The following KHDRBS3 variants were observed in gnomAD, a reference collection of about 807,000 sequenced individuals.
KHDRBS3 encodes the protein KH domain-containing, RNA-binding, signal transduction-associated protein 3.
Under a neutral mutation model 45.6 loss-of-function variants are expected in KHDRBS3, and 23 were observed. The observed-to-expected ratio is 0.50, with a 90% CI of 0.36 to 0.72. The LOEUF (loss-of-function observed/expected upper bound fraction) is 0.72, where lower values mean the gene tolerates loss of function less well. Ranked by LOEUF, KHDRBS3 falls within the 30% of genes least tolerant of loss-of-function variation. KHDRBS3 has a pLI of 0.00. For missense variants in KHDRBS3, 352 were observed against 424.8 expected (o/e 0.83, Z 1.51); for synonymous variants, 162 against 156.5 (o/e 1.04, Z -0.26).
intron 1 of KHDRBS3, among the ~76,000 whole-genome samples, chr8:135,478,639 C>T (rs1290703136): frequency 1.1e-4 from 16 of 152,108 alleles, no homozygotes; most frequent in Admixed American, 1.0e-3. Context: ...ATTTTCCAAC[C>T]ACAGTAGAAT....
intron 7 of KHDRBS3, among the ~76,000 whole-genome samples, chr8:135,642,112 G>A (rs1445355991): frequency 6.6e-6 from 1 of 152,218 alleles, no homozygotes; most frequent in East Asian, 1.9e-4. Context: ...TTCTGAGCAT[G>A]AGGAAGGATC....
chr8:135,474,196 A>C (rs1439835708), intron 1 of KHDRBS3, among the ~76,000 whole-genome samples: 1 of 152,182 alleles, frequency 6.6e-6, no homozygotes, highest in Non-Finnish European at 1.5e-5. Context: ...AATCTTTATA[A>C]ACTTTCCTAA....
chr8:135,572,866 C>A (rs924444665), intron 5 of KHDRBS3, among the ~76,000 whole-genome samples: 1 of 152,204 alleles, frequency 6.6e-6, no homozygotes, highest in African/African-American at 2.4e-5. Flanking sequence ...CTTTTGTCAG[C>A]CTTCTCATTT....
In KHDRBS3 at chr8:135,647,076, A is replaced by G; in HGVS notation, c.1033A>G (p.Arg345Gly). The stretch of plus-strand genomic sequence containing the variant: ...CGTCTACAGAGACCAGCCATATGGC[A>G]GATACTGATTGTACTGTCTGATGTT... ...KGVYRDQPYGRY is the reference protein window; with the variant it reads ...KGVYRDQPYGGY Residue 345 changes from arginine (R) to glycine (G), a missense_variant, in exon 9 of 9, where the codon AGA becomes GGA. This residue lies in a region of KHDRBS3 where 212 missense variants were observed against 209.6 expected (regional missense o/e 1.01). Transcript: ENST00000355849. 6.3e-7 allele frequency: 1 copy of G among 1,585,494 alleles called. No homozygotes were observed. The highest frequency in any genetic ancestry group is 8.7e-7 in the Non-Finnish European group (1 of 1,154,112).
intron 1 of KHDRBS3, among the ~76,000 whole-genome samples, chr8:135,496,363 G>T (rs963862588): frequency 1.3e-5 from 2 of 151,766 alleles, no homozygotes; most frequent in African/African-American, 4.8e-5. Context: ...CTCCCAAGTA[G>T]CTGGGTTTAC....
chr8:135,574,228 ATCATGTTAGCACGTCACCTC>A (rs1827848232), intron 5 of KHDRBS3, among the ~76,000 whole-genome samples: 2 of 121,560 alleles, frequency 1.6e-5, no homozygotes, highest in African/African-American at 5.6e-5. Flanking sequence ...CGTCACCTCC[ATCATGTTAGCACGTCACCTC>A]CATCATGCCT....
At chr8:135,532,489 G>GC (rs1180248258) in intron 2 of KHDRBS3, among the ~76,000 whole-genome samples, 1 of 152,170 alleles carries the variant, frequency 6.6e-6, no homozygotes, top group East Asian at 1.9e-4. Flanking sequence ...AGGAGTGCGT[G>GC]CTAATACATT....
chr8:135,538,652 A>T (rs570620103), intron 2 of KHDRBS3: 6 of 152,204 alleles, frequency 3.9e-5, no homozygotes, highest in Non-Finnish European at 8.8e-5. Flanking sequence ...GGTAAATGTG[A>T]AACTGAAAAC....
chr8:135,652,733 C>T (rs1182365253), intron 4 of KHDRBS3, among the ~76,000 whole-genome samples: 1 of 152,230 alleles, frequency 6.6e-6, no homozygotes, highest in Non-Finnish European at 1.5e-5. Flanking sequence ...ATCTTCGCAG[C>T]TCTACTATGG....
intron 7 of KHDRBS3, among the ~76,000 whole-genome samples, chr8:135,614,297 G>T (rs2131058546): frequency 6.6e-6 from 1 of 151,916 alleles, no homozygotes; most frequent in Non-Finnish European, 1.5e-5. Flanking sequence ...GGGTGATAAT[G>T]ACCTCAGCCC....
intron 5 of KHDRBS3, among the ~76,000 whole-genome samples, chr8:135,559,080 A>C (rs1827039631): frequency 6.6e-6 from 1 of 152,174 alleles, no homozygotes; most frequent in Non-Finnish European, 1.5e-5. Context: ...AGGGTAATCC[A>C]GAGTAATCTT....
intron 3 of KHDRBS3, among the ~76,000 whole-genome samples, chr8:135,548,262 T>C (rs1272198940): frequency 6.6e-6 from 1 of 152,178 alleles, no homozygotes; most frequent in African/African-American, 2.4e-5. Context: ...GTAATCACTT[T>C]TTACTAAGAG....
intron 6 of KHDRBS3, 109 bp downstream of exon 6, chr8:135,582,182 G>A: frequency 3.6e-6 from 4 of 1,106,968 alleles, no homozygotes; most frequent in Non-Finnish European, 4.8e-6. Flanking sequence ...TGGTTCTTGA[G>A]TATTCTACTT....
At chr8:135,605,832 C>G (rs753764467) in intron 6 of KHDRBS3, among the ~76,000 whole-genome samples, 1 of 152,146 alleles carries the variant, frequency 6.6e-6, no homozygotes, top group East Asian at 1.9e-4. Flanking sequence ...AATGTCTCAG[C>G]TTCCTCAAGG....
chr8:135,591,193 G>C (rs1011395835), intron 6 of KHDRBS3, among the ~76,000 whole-genome samples: 1 of 152,160 alleles, frequency 6.6e-6, no homozygotes, highest in African/African-American at 2.4e-5. Flanking sequence ...CAGCGTTCTG[G>C]CTCTAGAGCC....
chr8:135,461,599 G>A (rs1456357838), intron 1 of KHDRBS3, among the ~76,000 whole-genome samples: 1 of 152,116 alleles, frequency 6.6e-6, no homozygotes, highest in Non-Finnish European at 1.5e-5. Flanking sequence ...TGCTAGTAGG[G>A]GATGTGCTGA....
chr8:135,521,132 A>G, intron 1 of KHDRBS3, 105 bp from the exon 2 acceptor site: 7 of 689,846 alleles, frequency 1.0e-5, no homozygotes, highest in Middle Eastern at 2.5e-4. Flanking sequence ...TTAATAGTCC[A>G]TACTTCAGTA....
At chr8:135,575,423 T>A (rs1180630200) in intron 5 of KHDRBS3, among the ~76,000 whole-genome samples, 1 of 152,186 alleles carries the variant, frequency 6.6e-6, no homozygotes, top group Admixed American at 6.5e-5. Flanking sequence ...CCACAGAGCT[T>A]ATGGCTACGC....
intron 1 of KHDRBS3, 181 bp downstream of exon 1, chr8:135,458,135 C>A (rs2130030178): frequency 7.3e-7 from 1 of 1,364,564 alleles, no homozygotes; most frequent in South Asian, 1.6e-5. Flanking sequence ...TAGGGGAAGA[C>A]CCTGATGTGA....
Sources: allele counts gnomAD v4.1 joint callset (sites outside exome capture counted in the v4.1 genomes callset), GRCh38; gene constraint gnomAD v4.1.1; regional missense constraint gnomAD v4.1.1; transcripts MANE v1.5; gene names NCBI Gene and HGNC (gene_info 2026-07-23, HGNC 2026-07-21).